Variants in PCDHA5 observed in about 807,000 individuals in gnomAD.
PCDHA5 encodes protocadherin alpha 5.
In PCDHA5, 43 loss-of-function variants were observed where a neutral mutation model predicts 61.6. The ratio of observed to expected loss-of-function variants is 0.70; its 90% CI spans 0.55 to 0.90. The LOEUF (loss-of-function observed/expected upper bound fraction) is 0.90, where lower values mean the gene tolerates loss of function less well. Among genes scored for constraint, PCDHA5 ranks in the 40% least tolerant of loss-of-function variants. PCDHA5 has a pLI of 0.00. For synonymous variants in PCDHA5, 627 were observed against 543.9 expected (o/e 1.15, Z -2.13); for missense variants, 1,298 against 1,222.7 (o/e 1.06, Z -0.92).
At chr5:140,863,304 C>T in intron 1 of PCDHA5, 1 of 1,463,904 alleles carries the variant, frequency 6.8e-7, no homozygotes, top group Non-Finnish European at 9.3e-7. Context: ...TCATCGCCAT[C>T]TGCGTGGTGT....
At chr5:141,005,095 A>T (rs1554259887) in intron 3 of PCDHA5, among the ~76,000 whole-genome samples, 1 of 152,192 alleles carries the variant, frequency 6.6e-6, no homozygotes, top group South Asian at 2.1e-4. Flanking sequence ...CTTTACATGC[A>T]TTACATCATT....
chr5:140,823,558 G>A lies in PCDHA5; in HGVS notation c.1783G>A (p.Ala595Thr). ...GAGHVVAKVR[A>T]VDPDSGYNAW... ...GGGCCACGTGGTGGCGAAGGTGCGC[G>A]CAGTGGACCCTGATTCGGGCTACAA... Residue 595 changes from alanine to threonine, a missense_variant, in exon 1 of 4, where the codon GCA (alanine) becomes ACA (threonine). Transcript: ENST00000529859. The A allele has an allele frequency of 1.2e-6, 2 of 1,613,898 alleles. No homozygotes were observed. The highest frequency in any genetic ancestry group is 1.7e-6 in the Non-Finnish European group (2 of 1,179,914).
In PCDHA5 at chr5:140,851,765, C is replaced by T; in HGVS notation, c.2352+27638C>T. Reference sequence around the variant, plus strand: ...AGAGTCTGTAACTTAAAACATTACCCTTATGAATTTAGATGAGAATTCACT... The same window carrying T: ...AGAGTCTGTAACTTAAAACATTACCTTTATGAATTTAGATGAGAATTCACT... On this transcript the variant is annotated intron_variant, in intron 1 of 3. Transcript: ENST00000529859. 12 of 970,186 alleles carry T rather than the reference C, an allele frequency of 1.2e-5. 1 individual carries two copies. The highest frequency in any genetic ancestry group is 1.4e-5 in the Non-Finnish European group (11 of 802,992). The allele number at this position is 970,186 out of a possible 1,614,324, so 60.1% of individuals were successfully genotyped here. A position where few individuals can be genotyped will look rare whatever the true frequency, so the allele number is the denominator to read the frequency against.
chr5:140,928,036 G>T, intron 1 of PCDHA5: 1 of 1,614,158 alleles, frequency 6.2e-7, no homozygotes, highest in Non-Finnish European at 8.5e-7. Context: ...CATGTCTAGT[G>T]CAGGCCCTTT....
chr5:140,966,409 G>C (rs1234170283), intron 1 of PCDHA5: 1 of 419,144 alleles, frequency 2.4e-6, no homozygotes, highest in African/African-American at 2.1e-5. Context: ...CGCGGAATCA[G>C]AGCAGGACTT....
chr5:140,978,233 AT>A (rs1360475808), intron 1 of PCDHA5, among the ~76,000 whole-genome samples: 2 of 152,196 alleles, frequency 1.3e-5, no homozygotes, highest in African/African-American at 4.8e-5. Context: ...TTTTTCTTGG[AT>A]TTCAGCTACT....
chr5:140,952,176 C>G (rs1300041660), intron 1 of PCDHA5, among the ~76,000 whole-genome samples: 1 of 152,058 alleles, frequency 6.6e-6, no homozygotes, highest in African/African-American at 2.4e-5. Flanking sequence ...GTTCCTGCAG[C>G]TGCTCTCATG....
At chr5:140,999,088 G>T (rs1429141341) in intron 3 of PCDHA5, among the ~76,000 whole-genome samples, 1 of 152,156 alleles carries the variant, frequency 6.6e-6, no homozygotes, top group Non-Finnish European at 1.5e-5. Context: ...TCCTTCAGAG[G>T]GCTATGGAGA....
chr5:140,853,643 T>C, intron 1 of PCDHA5: 2 of 988,768 alleles, frequency 2.0e-6, no homozygotes, highest in Non-Finnish European at 2.4e-6. Flanking sequence ...AGACCTAAAT[T>C]GAGCCTGTTC....
rs59860837 is a variant in PCDHA5 at position 141,005,701 on chromosome 5, C to CAAAAA, written c.2501-3900_2501-3896dup. 5.2e-3 allele frequency among the ~76,000 whole-genome samples: 40 copies of CAAAAA among 7,764 alleles called. 2 individuals are homozygous for CAAAAA. Among genetic ancestry groups the CAAAAA allele is most frequent in the East Asian group, 0.013 (4 of 312 alleles). The allele number at this position is 7,764 out of a possible 152,430, so 5.1% of individuals were successfully genotyped here. On this transcript the variant is annotated intron_variant, in intron 3 of 3. Coordinates refer to ENST00000529859, the MANE Select transcript of PCDHA5 (RefSeq NM_018908.3). ...TGGGCGACAGAGCGAAACTCCGTCT[C>CAAAAA]AAAAAAAAAAAAAAAAAAAAAAAAA...
chr5:140,923,256 TAGTG>T (rs2153568044), intron 1 of PCDHA5, among the ~76,000 whole-genome samples: 1 of 152,302 alleles, frequency 6.6e-6, no homozygotes, highest in African/African-American at 2.4e-5. Context: ...CTGGGCAACA[TAGTG>T]AGACCTTGTC....
intron 1 of PCDHA5, chr5:140,858,330 G>A: frequency 6.3e-7 from 1 of 1,596,082 alleles, no homozygotes. Context: ...TCTGGGGAGG[G>A]CCTGCCCAAG....
At chr5:140,864,105 T>G (rs1413292385) in intron 1 of PCDHA5, 1 of 152,314 alleles carries the variant, frequency 6.6e-6, no homozygotes, top group Non-Finnish European at 1.5e-5. Flanking sequence ...ATAATGATAA[T>G]AGTAATAATG....
In PCDHA5 at chr5:140,882,282, G is replaced by T. The variant is rs145553181; in HGVS notation, c.2352+58155G>T. On this transcript the variant is annotated intron_variant, in intron 1 of 3. Coordinates refer to ENST00000529859, the MANE Select transcript of PCDHA5 (RefSeq NM_018908.3). Reference sequence around the variant, plus strand: ...TTGGAGTGTACCATGCTGTCTTCCTGGCAAGGAGGCCCAAGACCGCGGCAA... The same window carrying T: ...TTGGAGTGTACCATGCTGTCTTCCTTGCAAGGAGGCCCAAGACCGCGGCAA... 4.2e-5 allele frequency: 68 copies of T among 1,612,712 alleles called. No individual in the cohort carries two copies. The African/African-American group carries it at 8.4e-4, about 20-fold the overall frequency.
chr5:140,835,556 C>CTG, intron 1 of PCDHA5: 8 of 1,613,914 alleles, frequency 5.0e-6, no homozygotes, highest in African/African-American at 1.3e-5. Flanking sequence ...CCCTGACGCC[C>CTG]CGCGTTCCCT....
intron 1 of PCDHA5, among the ~76,000 whole-genome samples, chr5:140,977,356 T>C (rs1563455891): frequency 6.6e-6 from 1 of 152,250 alleles, no homozygotes; most frequent in African/African-American, 2.4e-5. Flanking sequence ...GACTGATTGA[T>C]AAAAAGTATT....
In PCDHA5 at chr5:140,876,724, G is replaced by A. The variant is rs140611870; in HGVS notation, c.2352+52597G>A. On this transcript the variant is annotated intron_variant, in intron 1 of 3. Transcript: ENST00000529859. The stretch of plus-strand genomic sequence containing the variant: ...GGACAGCGCCCTGGACCGCGAGAGC[G>A]TGTCGGCCTATGAGCTGGTGGTGAC... The A allele has an allele frequency of 2.3e-4, 378 of 1,614,246 alleles. 3 individuals are homozygous for A. In the East Asian group the frequency reaches 2.9e-3, roughly 13 times the overall value.
At chr5:140,998,779 G>T (rs782154283) in intron 3 of PCDHA5, among the ~76,000 whole-genome samples, 3 of 152,140 alleles carry the variant, frequency 2.0e-5, no homozygotes, top group Non-Finnish European at 4.4e-5. Context: ...GGTCAGGCTG[G>T]TCTGGAACCC....
intron 1 of PCDHA5, among the ~76,000 whole-genome samples, chr5:140,908,736 A>G (rs2074127705): frequency 6.6e-6 from 1 of 152,180 alleles, no homozygotes; most frequent in African/African-American, 2.4e-5. Flanking sequence ...GGCTCGAGAA[A>G]CAGAGCAACT....
Sources: allele counts gnomAD v4.1 joint callset (sites outside exome capture counted in the v4.1 genomes callset), GRCh38; gene constraint gnomAD v4.1.1; transcripts MANE v1.5; gene names NCBI Gene and HGNC (gene_info 2026-07-23, HGNC 2026-07-21).